Variants in CFAP20DC observed in about 807,000 individuals in gnomAD.
CFAP20DC encodes the protein protein CFAP20DC.
In CFAP20DC, 84 loss-of-function variants were observed where a neutral mutation model predicts 101.7. The observed-to-expected ratio is 0.83, with a 90% CI of 0.69 to 0.99. CFAP20DC has a LOEUF of 0.99. CFAP20DC is among the 50% of genes least tolerant of loss of function. The pLI is 0.00. For synonymous variants in CFAP20DC, 359 were observed against 351.2 expected (o/e 1.02, Z -0.25); for missense variants, 1,007 against 970.3 (o/e 1.04, Z -0.50).
At chr3:58,968,196 G>T (rs2091712438) in intron 4 of CFAP20DC, among the ~76,000 whole-genome samples, 1 of 152,114 alleles carries the variant, frequency 6.6e-6, no homozygotes, top group Non-Finnish European at 1.5e-5. Flanking sequence ...CTTTATGGTA[G>T]GATGATTTGT....
In CFAP20DC at chr3:59,049,878, C is replaced by T; in HGVS notation, c.-247G>A. On this transcript the variant is annotated 5_prime_UTR_variant, in exon 1 of 17. Coordinates refer to ENST00000482387, the MANE Select transcript of CFAP20DC (RefSeq NM_001394063.1). ...GCGGTGCCCGGGTCTGGGGAGGGCG[C>T]AGCTGCCTGGACGGACTCCGGGCCG... 1 of 578,246 alleles carries T rather than the reference C, an allele frequency of 1.7e-6. No homozygotes were observed. The highest frequency in any genetic ancestry group is 3.1e-6 in the Non-Finnish European group (1 of 325,740). 35.8% of individuals were successfully genotyped at this position (578,246 alleles called of 1,614,324 possible). A position where few individuals can be genotyped will look rare whatever the true frequency, so the allele number is the denominator to read the frequency against.
intron 15 of CFAP20DC, among the ~76,000 whole-genome samples, chr3:58,786,976 T>A (rs1194575527): frequency 1.3e-5 from 2 of 151,978 alleles, no homozygotes; most frequent in African/African-American, 4.8e-5. Flanking sequence ...TTTGGCACTA[T>A]CTGTCGTTTT....
chr3:58,927,505 T>A (rs998153021), intron 5 of CFAP20DC, among the ~76,000 whole-genome samples: 1 of 152,204 alleles, frequency 6.6e-6, no homozygotes, highest in Non-Finnish European at 1.5e-5. Context: ...AAGTGTGCCA[T>A]TACTACTTAG....
intron 4 of CFAP20DC, among the ~76,000 whole-genome samples, chr3:58,996,537 C>A (rs1025881160): frequency 1.3e-5 from 2 of 152,176 alleles, no homozygotes; most frequent in African/African-American, 4.8e-5. Flanking sequence ...TTAATAAGTT[C>A]CTTTACATAG....
chr3:58,835,564 T>C (rs2076681643), intron 13 of CFAP20DC, among the ~76,000 whole-genome samples: 1 of 152,188 alleles, frequency 6.6e-6, no homozygotes, highest in Non-Finnish European at 1.5e-5. Context: ...GATGCTATAT[T>C]TGCTTAAAAT....
intron 14 of CFAP20DC, among the ~76,000 whole-genome samples, chr3:58,826,658 A>T (rs1200534287): frequency 6.6e-6 from 1 of 152,196 alleles, no homozygotes; most frequent in Non-Finnish European, 1.5e-5. Context: ...AGGAATTTTT[A>T]AAAATATTAT....
chr3:58,949,611 C>T (rs756310470), intron 4 of CFAP20DC, among the ~76,000 whole-genome samples: 3 of 152,020 alleles, frequency 2.0e-5, no homozygotes, highest in Non-Finnish European at 4.4e-5. Flanking sequence ...TTTCTTAATC[C>T]TGAGTTATAG....
intron 15 of CFAP20DC, among the ~76,000 whole-genome samples, chr3:58,781,216 A>T (rs1439742290): frequency 6.6e-6 from 1 of 152,004 alleles, no homozygotes; most frequent in East Asian, 1.9e-4. Flanking sequence ...GTTACAGAGG[A>T]AATAAAACAT....
At chr3:58,735,355 AT>A (rs1427262230) in intron 3 of CFAP20DC, among the ~76,000 whole-genome samples, 1 of 152,234 alleles carries the variant, frequency 6.6e-6, no homozygotes, top group African/African-American at 2.4e-5. Context: ...CATGTTTTCC[AT>A]TCTAGTGATC....
At chr3:58,766,969 A>G (rs2070375772) in intron 15 of CFAP20DC, among the ~76,000 whole-genome samples, 1 of 152,196 alleles carries the variant, frequency 6.6e-6, no homozygotes, top group South Asian at 2.1e-4. Flanking sequence ...TTTTAGAGCA[A>G]CTGTGATCTT....
chr3:58,812,087 A>C (rs572280519), intron 14 of CFAP20DC, among the ~76,000 whole-genome samples: 1 of 152,146 alleles, frequency 6.6e-6, no homozygotes, highest in South Asian at 2.1e-4. Context: ...AGAAATAGGA[A>C]CACTTTTACA....
intron 4 of CFAP20DC, among the ~76,000 whole-genome samples, chr3:59,032,306 T>C (rs2094009687): frequency 6.6e-6 from 1 of 151,986 alleles, no homozygotes; most frequent in African/African-American, 2.4e-5. Context: ...GCAGGAGTTT[T>C]TTTTTCATAT....
chr3:58,806,708 T>G (rs138987478), intron 14 of CFAP20DC, among the ~76,000 whole-genome samples: 3 of 152,176 alleles, frequency 2.0e-5, no homozygotes, highest in South Asian at 2.1e-4. Context: ...GAGTGCCAGA[T>G]AGTGGGTGCA....
intron 11 of CFAP20DC, among the ~76,000 whole-genome samples, chr3:58,865,334 A>G (rs72881643): frequency 0.045 from 6,819 of 152,250 alleles, 502 homozygotes; most frequent in African/African-American, 0.16. Context: ...ATAAAACACA[A>G]TTGCCTTTAT....
At chr3:58,873,797 C>T (rs1014640749) in intron 7 of CFAP20DC, among the ~76,000 whole-genome samples, 1 of 151,592 alleles carries the variant, frequency 6.6e-6, no homozygotes, top group African/African-American at 2.4e-5. Context: ...GGCGTTCAAG[C>T]TGAAGTCTGG....
At chr3:59,038,056 C>A (rs577046472) in intron 4 of CFAP20DC, among the ~76,000 whole-genome samples, 1 of 152,026 alleles carries the variant, frequency 6.6e-6, no homozygotes, top group Non-Finnish European at 1.5e-5. Context: ...TGTTCTCACT[C>A]ATAAGTAAGA....
intron 15 of CFAP20DC, among the ~76,000 whole-genome samples, chr3:58,801,768 G>A (rs1009385789): frequency 2.0e-5 from 3 of 152,176 alleles, no homozygotes; most frequent in African/African-American, 7.2e-5. Flanking sequence ...AAAGACTGCA[G>A]GGCTTTATCA....
At chr3:58,994,030 C>A (rs139160566) in intron 4 of CFAP20DC, among the ~76,000 whole-genome samples, 3 of 152,148 alleles carry the variant, frequency 2.0e-5, no homozygotes, top group African/African-American at 4.8e-5. Context: ...AATGGTTGAA[C>A]TAACTTACAC....
chr3:59,048,487 G>A (rs945651723), intron 1 of CFAP20DC, among the ~76,000 whole-genome samples: 2 of 152,132 alleles, frequency 1.3e-5, no homozygotes, highest in Non-Finnish European at 2.9e-5. Flanking sequence ...CCTCATACTC[G>A]GTGAGACGGC....
Sources: gnomAD v4.1 joint callset for allele counts (sites outside exome capture counted in the v4.1 genomes callset) on GRCh38, gnomAD v4.1.1 for gene constraint, MANE v1.5 for transcripts, NCBI Gene and HGNC (gene_info 2026-07-23, HGNC 2026-07-21) for gene names.